The following NELL1 variants were observed in gnomAD, a reference collection of about 807,000 sequenced individuals.
The protein encoded by NELL1 is protein kinase C-binding protein NELL1.
In NELL1, 76 loss-of-function variants were observed where a neutral mutation model predicts 107.4. The observed-to-expected ratio is 0.71, with a 90% confidence interval of 0.59 to 0.86. The LOEUF (loss-of-function observed/expected upper bound fraction) is 0.86, where lower values mean the gene tolerates loss of function less well. Ranked by LOEUF, NELL1 falls within the 40% of genes least tolerant of loss-of-function variation. The probability of loss-of-function intolerance (pLI) is 0.00; values close to 1 mark genes in which losing one functional copy is unlikely to be tolerated. For missense variants in NELL1, 1,024 were observed against 1,005.5 expected, an observed-to-expected ratio of 1.02 and a Z score of -0.25; for synonymous variants, 353 against 341.2, an observed-to-expected ratio of 1.03 and a Z score of -0.38.
chr11:21,131,644 G>A (rs1855621375), intron 13 of NELL1, among the ~76,000 whole-genome samples: 1 of 152,162 alleles, frequency 6.6e-6, no homozygotes. Flanking sequence ...TGTTTTGGGG[G>A]AGGGAGGCTT....
chr11:21,194,146 T>G (rs570242066), intron 13 of NELL1, among the ~76,000 whole-genome samples: 3 of 151,890 alleles, frequency 2.0e-5, no homozygotes, highest in East Asian at 3.9e-4. Context: ...TCTCATAATA[T>G]CAGTTACCAG....
chr11:21,203,434 T>A (rs1208630774), intron 13 of NELL1, among the ~76,000 whole-genome samples: 4 of 145,742 alleles, frequency 2.7e-5, no homozygotes, highest in Non-Finnish European at 6.1e-5. Context: ...CCCTTGCTTT[T>A]TTTTTTTTTT....
At chr11:21,524,960 A>G (rs1855815278) in intron 15 of NELL1, among the ~76,000 whole-genome samples, 1 of 152,220 alleles carries the variant, frequency 6.6e-6, no homozygotes, top group African/African-American at 2.4e-5. Context: ...TTTGGGCAGA[A>G]TAAGTTTGAA....
At chr11:21,255,562 G>A (rs377042138) in intron 14 of NELL1, among the ~76,000 whole-genome samples, 2 of 152,136 alleles carry the variant, frequency 1.3e-5, no homozygotes, top group East Asian at 3.9e-4. Flanking sequence ...TCGAAAGCTG[G>A]AAATGAAGAT....
At chr11:21,171,490 A>C (rs1856605877) in intron 13 of NELL1, among the ~76,000 whole-genome samples, 1 of 151,930 alleles carries the variant, frequency 6.6e-6, no homozygotes, top group Non-Finnish European at 1.5e-5. Flanking sequence ...TTCACTTAAC[A>C]AACTGCGAGT....
intron 13 of NELL1, among the ~76,000 whole-genome samples, chr11:21,150,499 G>A (rs1403377149): frequency 1.3e-5 from 2 of 152,126 alleles, no homozygotes; most frequent in African/African-American, 2.4e-5. Context: ...AGGGCATGAG[G>A]GACTGGTAAT....
intron 15 of NELL1, among the ~76,000 whole-genome samples, chr11:21,441,734 T>C (rs1288390241): frequency 6.6e-6 from 1 of 151,566 alleles, no homozygotes; most frequent in Non-Finnish European, 1.5e-5. Context: ...TATAAATTGT[T>C]GGGTTGATAA....
At chr11:21,352,036 A>G (rs754560030) in intron 14 of NELL1, among the ~76,000 whole-genome samples, 2 of 152,100 alleles carry the variant, frequency 1.3e-5, no homozygotes, top group Non-Finnish European at 2.9e-5. Flanking sequence ...CATACTAAGT[A>G]TGGTCCTCCA....
intron 16 of NELL1, among the ~76,000 whole-genome samples, chr11:21,536,787 A>T (rs1056838905): frequency 2.6e-5 from 4 of 152,188 alleles, no homozygotes; most frequent in Admixed American, 2.6e-4. Flanking sequence ...GATCAGACCT[A>T]GGTCAAGAGA....
intron 14 of NELL1, among the ~76,000 whole-genome samples, chr11:21,319,494 TTA>T (rs143740709): frequency 0.46 from 62,210 of 135,452 alleles, 14,305 homozygotes; most frequent in Non-Finnish European, 0.49. Context: ...CCAGCTAAAT[TTA>T]TATATATATA....
intron 12 of NELL1, among the ~76,000 whole-genome samples, chr11:21,063,358 A>G (rs1422459193): frequency 6.6e-6 from 1 of 152,094 alleles, no homozygotes; most frequent in Admixed American, 6.6e-5. Flanking sequence ...GTTTTATTAC[A>G]CAGGCATGGT....
intron 15 of NELL1, among the ~76,000 whole-genome samples, chr11:21,524,187 C>T (rs556697987): frequency 8.5e-4 from 129 of 152,300 alleles, no homozygotes; most frequent in African/African-American, 3.0e-3. Context: ...CACTCTGTCA[C>T]TTTCCAGATG....
chr11:20,748,915 T>G lies in NELL1; in HGVS notation c.185-34765T>G, dbSNP rs60806668. The stretch of plus-strand genomic sequence containing the variant: ...ATCCATCCATCCACCCAGCCACCCA[T>G]CCATCCATCCATCCATCCATCCATC... On this transcript the variant is annotated intron_variant, in intron 2 of 19. Transcript: ENST00000357134. Among the ~76,000 whole-genome samples, 302 of 123,888 alleles carry G rather than the reference T, an allele frequency of 2.4e-3. 8 individuals carry two copies. The highest frequency in any genetic ancestry group is 0.01 in the African/African-American group (294 of 29,366). The allele number at this position is 123,888 out of a possible 152,430, so 81.3% of individuals were successfully genotyped here. A position where few individuals can be genotyped will look rare whatever the true frequency, so the allele number is the denominator to read the frequency against.
intron 13 of NELL1, among the ~76,000 whole-genome samples, chr11:21,151,785 A>G (rs187482834): frequency 1.3e-5 from 2 of 152,352 alleles, no homozygotes; most frequent in Admixed American, 1.3e-4. Flanking sequence ...ATTTAGAATT[A>G]CCATTACTAT....
intron 12 of NELL1, among the ~76,000 whole-genome samples, chr11:21,019,892 A>G (rs759320527): frequency 3.3e-5 from 5 of 152,064 alleles, no homozygotes; most frequent in Admixed American, 6.6e-5. Context: ...TAAGCCCTGC[A>G]CTTACATCAA....
intron 2 of NELL1, among the ~76,000 whole-genome samples, chr11:20,720,960 C>A (rs1251067690): frequency 6.6e-6 from 1 of 151,986 alleles, no homozygotes; most frequent in East Asian, 1.9e-4. Context: ...TTCTCCTGGT[C>A]TTTGTCTGAT....
At chr11:20,855,903 C>A (rs1459319997) in intron 4 of NELL1, among the ~76,000 whole-genome samples, 1 of 152,180 alleles carries the variant, frequency 6.6e-6, no homozygotes, top group Non-Finnish European at 1.5e-5. Flanking sequence ...ACAAAGAATT[C>A]CAAACAGTGC....
At position 20,672,974 on chromosome 11, in the gene NELL1, C is replaced by A. The variant is rs1373865524; in HGVS notation, c.55+3196C>A. Among the ~76,000 whole-genome samples, 95 of 24,740 alleles carry A rather than the reference C, an allele frequency of 3.8e-3. 3 individuals are homozygous for A. The highest frequency in any genetic ancestry group is 0.024 in the African/African-American group (66 of 2,796). 16.2% of individuals were successfully genotyped at this position (24,740 alleles called of 152,430 possible). A position where few individuals can be genotyped will look rare whatever the true frequency, so the allele number is the denominator to read the frequency against. On this transcript the variant is annotated intron_variant, in intron 1 of 19. Transcript: ENST00000357134. Reference sequence around the variant, plus strand: ...TTAAGTGATTCTCCTGCCTCAGCCCCCCCCCCCCCCCCCGAGTAGCTGGGA... The same window carrying A: ...TTAAGTGATTCTCCTGCCTCAGCCCACCCCCCCCCCCCCGAGTAGCTGGGA...
intron 11 of NELL1, among the ~76,000 whole-genome samples, chr11:20,956,773 C>T (rs1179522788): frequency 3.3e-5 from 5 of 152,136 alleles, no homozygotes; most frequent in Non-Finnish European, 7.3e-5. Flanking sequence ...ACTTCTAGAT[C>T]CATTGTTTTC....
Sources: allele counts gnomAD v4.1 joint callset (sites outside exome capture counted in the v4.1 genomes callset), GRCh38; gene constraint gnomAD v4.1.1; transcripts MANE v1.5; gene names NCBI Gene and HGNC (gene_info 2026-07-23, HGNC 2026-07-21).